ZSCAN25: variants seen among roughly 807,000 people sequenced by gnomAD.
ZSCAN25 encodes zinc finger and SCAN domain containing 25, also known as zinc finger and SCAN domain-containing protein 25.
ZSCAN25 carries 27 observed loss-of-function variants against 38.7 expected under a neutral mutation model. The ratio of observed to expected loss-of-function variants is 0.70; its 90% CI spans 0.51 to 0.96. The LOEUF (loss-of-function observed/expected upper bound fraction) is 0.96. Ranked by LOEUF, ZSCAN25 falls within the 40% of genes least tolerant of loss-of-function variation. The pLI is 0.00. For synonymous variants in ZSCAN25, 273 were observed against 277.7 expected, an observed-to-expected ratio of 0.98 and a Z score of 0.17; for missense variants, 637 against 705.9, an observed-to-expected ratio of 0.90 and a Z score of 1.11.
At chr7:99,716,504 A>G in the ZSCAN25 span, among the ~76,000 whole-genome samples, 1 of 152,182 alleles carries the variant, frequency 6.6e-6, no homozygotes, top group South Asian at 2.1e-4. Flanking sequence ...ATATAATGAC[A>G]AATGATGTCC....
chr7:99,635,005 C>T (rs114551026), downstream of ZSCAN25, among the ~76,000 whole-genome samples: 1,588 of 152,240 alleles, frequency 0.01, 20 homozygotes, highest in African/African-American at 0.036. Flanking sequence ...TACAGATTGA[C>T]TTAATCCACT....
chr7:99,658,719 C>T, the ZSCAN25 span: 11 of 152,332 alleles, frequency 7.2e-5, no homozygotes, highest in South Asian at 2.3e-3. Context: ...TCAGGTACAC[C>T]AATCAGACGT....
At chr7:99,644,586 C>A in the ZSCAN25 span, among the ~76,000 whole-genome samples, 2 of 152,060 alleles carry the variant, frequency 1.3e-5, no homozygotes, top group Non-Finnish European at 2.9e-5. Context: ...TCCGCCACGC[C>A]CTTTGCAGCC....
downstream of ZSCAN25, among the ~76,000 whole-genome samples, chr7:99,632,750 A>AT (rs1808092804): frequency 6.6e-6 from 1 of 152,162 alleles, no homozygotes; most frequent in South Asian, 2.1e-4. Flanking sequence ...TGATTGTGCC[A>AT]TTGCACTCCA....
the ZSCAN25 span, chr7:99,677,248 G>A: frequency 7.1e-6 from 7 of 985,476 alleles, 1 homozygote; most frequent in South Asian, 1.9e-4. Context: ...ACTGGAGGAA[G>A]AAGAGAGGCT....
the ZSCAN25 span, among the ~76,000 whole-genome samples, chr7:99,698,917 A>G: frequency 6.6e-6 from 1 of 152,234 alleles, no homozygotes; most frequent in Non-Finnish European, 1.5e-5. Flanking sequence ...AAAAATTAAA[A>G]TGAAGTTTAT....
the ZSCAN25 span, among the ~76,000 whole-genome samples, chr7:99,657,161 T>G: frequency 6.6e-6 from 1 of 152,258 alleles, no homozygotes; most frequent in Non-Finnish European, 1.5e-5. Flanking sequence ...TCTAGTTCTT[T>G]TCATTGTGAT....
At chr7:99,674,640 A>C in the ZSCAN25 span, 7 of 1,482,524 alleles carry the variant, frequency 4.7e-6, no homozygotes, top group African/African-American at 1.4e-5. Flanking sequence ...AATAAACCCT[A>C]CCTCTAATTG....
rs1385484436 is a variant in ZSCAN25, at chr7:99,629,314, G to A, written c.929G>A (p.Cys310Tyr). The change falls in exon 8 of 8, where the codon TGT becomes TAT. Residue 310 changes from cysteine (C) to tyrosine (Y), a missense_variant. Physicochemically the swap from Cys to Tyr is radical, Grantham distance 194. Coordinates refer to ENST00000394152, the MANE Select transcript of ZSCAN25 (RefSeq NM_145115.3). The surrounding 1 kb of genome is among the most constrained non-coding windows in gnomAD (Gnocchi z 5.6). The part of the protein sequence containing the change: ...SLQGPGLGRV[C>Y]EQEPGGPAGS... Reference sequence around the variant, plus strand: ...CAGGGCCCTGGGCTCGGAAGGGTCTGTGAGCAGGAGCCTGGTGGCCCTGCA... The same window carrying A: ...CAGGGCCCTGGGCTCGGAAGGGTCTATGAGCAGGAGCCTGGTGGCCCTGCA... The A allele has an allele frequency of 1.2e-6, 2 of 1,614,082 alleles. No individual in the cohort carries two copies. The highest frequency in any genetic ancestry group is 2.7e-5 in the African/African-American group (2 of 74,944).
the ZSCAN25 span, among the ~76,000 whole-genome samples, chr7:99,689,971 G>A: frequency 1.3e-5 from 2 of 152,114 alleles, no homozygotes; most frequent in African/African-American, 4.8e-5. Flanking sequence ...TATGGAACCA[G>A]AAAAGAGCCC....
At chr7:99,682,198 G>A in the ZSCAN25 span, among the ~76,000 whole-genome samples, 55 of 152,266 alleles carry the variant, frequency 3.6e-4, no homozygotes, top group African/African-American at 1.3e-3. Context: ...TTGAACTCCT[G>A]ACCTCAAGTG....
chr7:99,732,113 C>A, the ZSCAN25 span, among the ~76,000 whole-genome samples: 1 of 152,138 alleles, frequency 6.6e-6, no homozygotes, highest in Non-Finnish European at 1.5e-5. Context: ...ATCTTAGAGG[C>A]AGTTTCTCAT....
the ZSCAN25 span, among the ~76,000 whole-genome samples, chr7:99,732,544 C>A: frequency 9.2e-5 from 14 of 152,254 alleles, no homozygotes; most frequent in African/African-American, 3.4e-4. Flanking sequence ...CTATAGCAGG[C>A]CTGCTTGCAA....
the ZSCAN25 span, among the ~76,000 whole-genome samples, chr7:99,733,246 C>A: frequency 2.0e-5 from 3 of 152,206 alleles, no homozygotes; most frequent in East Asian, 3.8e-4. Context: ...GTTACATGAT[C>A]TCTCAGGCCA....
chr7:99,723,110 G>A, the ZSCAN25 span, among the ~76,000 whole-genome samples: 1 of 152,090 alleles, frequency 6.6e-6, no homozygotes, highest in Non-Finnish European at 1.5e-5. Context: ...GTATCTTGGG[G>A]GTACATCTAC....
At chr7:99,685,043 T>C in the ZSCAN25 span, 105 of 891,982 alleles carry the variant, frequency 1.2e-4, 2 homozygotes, top group South Asian at 1.1e-3. Flanking sequence ...ATGAAGCCCA[T>C]CTTCATTTCA....
At chr7:99,729,185 C>T in the ZSCAN25 span, among the ~76,000 whole-genome samples, 23 of 152,230 alleles carry the variant, frequency 1.5e-4, 2 homozygotes, top group East Asian at 3.9e-3. Flanking sequence ...TTCTGTTATT[C>T]GGGACTTGTG....
the ZSCAN25 span, chr7:99,720,195 A>C: frequency 8.0e-7 from 1 of 1,249,122 alleles, no homozygotes; most frequent in Non-Finnish European, 1.1e-6. Context: ...GGCAGGATGA[A>C]GTGTACATGG....
downstream of ZSCAN25, among the ~76,000 whole-genome samples, chr7:99,636,522 C>T (rs1808291637): frequency 6.6e-6 from 1 of 152,156 alleles, no homozygotes; most frequent in South Asian, 2.1e-4. Context: ...GCGTGAAGGA[C>T]CAATACTGTC....
Sources: allele counts gnomAD v4.1 joint callset (sites outside exome capture counted in the v4.1 genomes callset), GRCh38; gene constraint gnomAD v4.1.1; non-coding constraint Gnocchi (gnomAD v3.1); transcripts MANE v1.5; gene names NCBI Gene and HGNC (gene_info 2026-07-23, HGNC 2026-07-21).